DPP10: variants seen among roughly 807,000 people sequenced by gnomAD.
DPP10 encodes inactive dipeptidyl peptidase 10.
DPP10 carries 33 observed loss-of-function variants against 120.9 expected under a neutral mutation model. That is an observed-to-expected ratio of 0.27 (90% confidence interval 0.21 to 0.37). The LOEUF is 0.37. Among genes scored for constraint, DPP10 ranks in the 10% least tolerant of loss-of-function variants. DPP10 has a pLI of 1.00. For synonymous variants in DPP10, 337 were observed against 326.1 expected (o/e 1.03, Z -0.36); for missense variants, 816 against 942.8 (o/e 0.87, Z 1.76).
Position 115,578,189 on chromosome 2 carries a change from CT to C in DPP10, c.441+52220del, listed in dbSNP as rs533549970. On this transcript the variant is annotated intron_variant, in intron 5 of 25. Coordinates refer to ENST00000410059, the MANE Select transcript of DPP10 (RefSeq NM_020868.6). ...AAACCAGTGCCTTGGCCTCTGTGGG[CT>C]TTATCACCTTTGACATGAAATACTC... Among the ~76,000 whole-genome samples the C allele has an allele frequency of 5.3e-5, 8 of 152,280 alleles. No homozygotes were observed. The East Asian group carries it at 1.5e-3, about 29-fold the overall frequency.
chr2:114,830,417 G>T (rs1686993681), intron 1 of DPP10, among the ~76,000 whole-genome samples: 1 of 151,896 alleles, frequency 6.6e-6, no homozygotes, highest in Non-Finnish European at 1.5e-5. Flanking sequence ...CTTTCTTTTA[G>T]TCAGAAAAGT....
At chr2:115,257,697 A>G (rs1201393997) in intron 1 of DPP10, among the ~76,000 whole-genome samples, 1 of 152,196 alleles carries the variant, frequency 6.6e-6, no homozygotes, top group Non-Finnish European at 1.5e-5. Context: ...AGGATGTACA[A>G]CTAAGTAGAA....
intron 3 of DPP10, among the ~76,000 whole-genome samples, chr2:115,460,385 T>C (rs1382584347): frequency 1.3e-5 from 2 of 152,134 alleles, no homozygotes; most frequent in African/African-American, 2.4e-5. Context: ...TCAAGTAATA[T>C]CTCCCAAGGT....
At chr2:114,834,379 A>G (rs191194119) in intron 1 of DPP10, among the ~76,000 whole-genome samples, 143 of 141,706 alleles carry the variant, frequency 1.0e-3, no homozygotes, top group African/African-American at 2.0e-3. Flanking sequence ...TAAAAGACAT[A>G]TCTACACACC....
chr2:115,279,622 CTTT>C (rs1244821811), intron 1 of DPP10, among the ~76,000 whole-genome samples: 1 of 83,316 alleles, frequency 1.2e-5, no homozygotes, highest in Non-Finnish European at 2.6e-5. Context: ...TTTCTTTTAT[CTTT>C]TTTCTTTCTT....
chr2:115,752,556 A>T lies in DPP10; in HGVS notation c.951-618A>T, dbSNP rs185720517. On this transcript the variant is annotated intron_variant, in intron 10 of 25. Transcript: ENST00000410059. Reference sequence around the variant, plus strand: ...ATAAGATAATTAACAATATGGAAAAAATTATGTATTAAAAATTGGGACTGG... The same window carrying T: ...ATAAGATAATTAACAATATGGAAAATATTATGTATTAAAAATTGGGACTGG... Among the ~76,000 whole-genome samples the T allele has an allele frequency of 3.4e-3, 525 of 152,290 alleles. 2 individuals carry two copies. The highest frequency in any genetic ancestry group is 5.8e-3 in the Admixed American group (89 of 15,282).
At chr2:115,737,689 A>G (rs1387854056) in intron 8 of DPP10, among the ~76,000 whole-genome samples, 1 of 152,154 alleles carries the variant, frequency 6.6e-6, no homozygotes, top group East Asian at 1.9e-4. Context: ...GCAGTTTTAC[A>G]GCTTGCCTGG....
At chr2:115,516,477 ATT>A (rs2077508470) in intron 4 of DPP10, among the ~76,000 whole-genome samples, 1 of 152,032 alleles carries the variant, frequency 6.6e-6, no homozygotes, top group Non-Finnish European at 1.5e-5. Flanking sequence ...TCAATCTATT[ATT>A]AGGAGTCCCG....
At chr2:114,524,608 G>C (rs1430103) in intron 1 of DPP10, among the ~76,000 whole-genome samples, 122,829 of 152,178 alleles carry the variant, frequency 0.81, 49,677 homozygotes, top group Admixed American at 0.87. Flanking sequence ...AGGCATAGCC[G>C]TAGCTCTCAA....
intron 2 of DPP10, among the ~76,000 whole-genome samples, chr2:115,343,588 G>T (rs1040496655): frequency 9.2e-5 from 14 of 152,044 alleles, no homozygotes; most frequent in Non-Finnish European, 1.8e-4. Context: ...ACATGGGATT[G>T]CTCTATTAAA....
chr2:114,831,501 A>G (rs981227694), intron 1 of DPP10, among the ~76,000 whole-genome samples: 2 of 152,182 alleles, frequency 1.3e-5, no homozygotes, highest in Admixed American at 6.5e-5. Context: ...TTTATGGCAA[A>G]GAAGAGTGAT....
At chr2:115,611,840 C>A (rs1161074254) in intron 5 of DPP10, among the ~76,000 whole-genome samples, 1 of 152,030 alleles carries the variant, frequency 6.6e-6, no homozygotes, top group Admixed American at 6.6e-5. Flanking sequence ...TCTCAAAAAT[C>A]TGTAAAATGG....
chr2:115,041,286 A>G (rs1704624847), intron 1 of DPP10, among the ~76,000 whole-genome samples: 1 of 152,136 alleles, frequency 6.6e-6, no homozygotes, highest in South Asian at 2.1e-4. Context: ...GAATGGAATT[A>G]AGTTACACGA....
intron 1 of DPP10, among the ~76,000 whole-genome samples, chr2:114,461,266 T>C (rs1330341674): frequency 2.6e-5 from 4 of 152,168 alleles, no homozygotes; most frequent in South Asian, 4.1e-4. Flanking sequence ...CGAGCCCCCA[T>C]TGGCACAGCC....
chr2:115,089,603 T>C (rs1451518434), intron 1 of DPP10, among the ~76,000 whole-genome samples: 1 of 152,168 alleles, frequency 6.6e-6, no homozygotes. Flanking sequence ...TCTTCACCCT[T>C]CCCTATCCTG....
At chr2:115,251,855 T>C (rs1330875180) in intron 1 of DPP10, among the ~76,000 whole-genome samples, 1 of 152,158 alleles carries the variant, frequency 6.6e-6, no homozygotes, top group African/African-American at 2.4e-5. Context: ...TATTTCAAAA[T>C]AGAATTGAGA....
At chr2:115,670,401 A>C (rs2089777078) in intron 5 of DPP10, among the ~76,000 whole-genome samples, 1 of 151,926 alleles carries the variant, frequency 6.6e-6, no homozygotes, top group African/African-American at 2.4e-5. Flanking sequence ...TCTAGTATTC[A>C]TGTTTCTCTA....
At chr2:114,522,965 C>T (rs1685197983) in intron 1 of DPP10, among the ~76,000 whole-genome samples, 1 of 152,200 alleles carries the variant, frequency 6.6e-6, no homozygotes, top group African/African-American at 2.4e-5. Flanking sequence ...GTTCCTCCTA[C>T]AACACATGGG....
In DPP10 at chr2:114,448,352, C is replaced by G. The variant is rs116842609; in HGVS notation, c.60+5514C>G. ...ATGTGTTAATACTTTTCTAGAAATT[C>G]ATGTTTTGGTCAGTTAGTGAAGACA... is the stretch of plus-strand genomic sequence containing the variant. On this transcript the variant is annotated intron_variant, in intron 1 of 25. Coordinates refer to ENST00000410059, the MANE Select transcript of DPP10 (RefSeq NM_020868.6). Among the ~76,000 whole-genome samples the G allele has an allele frequency of 2.6e-4, 39 of 152,128 alleles. No homozygotes were observed. In the East Asian group the frequency reaches 6.8e-3, roughly 26 times the overall value.
Sources: gnomAD v4.1 joint callset for allele counts (sites outside exome capture counted in the v4.1 genomes callset) on GRCh38, gnomAD v4.1.1 for gene constraint, MANE v1.5 for transcripts, NCBI Gene and HGNC (gene_info 2026-07-23, HGNC 2026-07-21) for gene names.